Variants in CENPO observed in about 807,000 individuals in gnomAD.
The protein encoded by CENPO is centromere protein O.
In CENPO, 30 loss-of-function variants were observed where a neutral mutation model predicts 36.1. The observed-to-expected ratio is 0.83, with a 90% CI of 0.62 to 1.13. The LOEUF is 1.13. CENPO is among the 50% of genes most tolerant of loss of function. CENPO has a pLI of 0.00. For synonymous variants in CENPO, 171 were observed against 142.3 expected (o/e 1.20, Z -1.44); for missense variants, 349 against 357.8 (o/e 0.98, Z 0.20).
intron 3 of CENPO, among the ~76,000 whole-genome samples, chr2:24,805,126 G>A (rs1212494485): frequency 6.6e-6 from 1 of 152,140 alleles, no homozygotes; most frequent in Admixed American, 6.5e-5. Flanking sequence ...ATCGGCTACT[G>A]AGGCTTGTGC....
At position 24,820,159 on chromosome 2, in the gene CENPO, C is replaced by CGTGGCGT; in HGVS notation, c.*841_*842insGTGGCGT. 8.9e-7 allele frequency: 1 copy of CGTGGCGT among 1,127,430 alleles called. No individual in the cohort carries two copies. The highest frequency in any genetic ancestry group is 2.8e-5 in the East Asian group (1 of 35,604). 69.8% of individuals were successfully genotyped at this position (1,127,430 alleles called of 1,614,324 possible). A position where few individuals can be genotyped will look rare whatever the true frequency, so the allele number is the denominator to read the frequency against. On this transcript the variant is annotated 3_prime_UTR_variant, in exon 8 of 8. Transcript: ENST00000380834. ...AAGAACGTGGCGTTACGGGGGGAGC[C>CGTGGCGT]TAGACTGAGGGCGGGTGGGGGCTTT...
At position 24,816,738 on chromosome 2, in the gene CENPO, G is replaced by T. The variant is rs567990516; in HGVS notation, c.687G>T (p.Gln229His). The change falls in exon 6 of 8, where the codon CAG becomes CAT. Residue 229 changes from glutamine to histidine, a missense_variant. Physicochemically the swap from Gln to His is conservative, Grantham distance 24 (BLOSUM62 0). Transcript: ENST00000380834. ...CTTACAAACTGGATCCAGGGGGTCAGTCCTTCCCGTTCTGTGCTAGATTGC... is the reference window on the plus strand; with the variant it reads ...CTTACAAACTGGATCCAGGGGGTCATTCCTTCCCGTTCTGTGCTAGATTGC... ...SFTYKLDPGG[Q>H]SFPFCARLLY... 1 of 1,612,834 alleles carries T rather than the reference G, an allele frequency of 6.2e-7. No individual in the cohort carries two copies. The highest frequency in any genetic ancestry group is 2.2e-5 in the East Asian group (1 of 44,812).
At chr2:24,793,670 G>A in intron 1 of CENPO, 169 bp downstream of exon 1, 1 of 1,149,392 alleles carries the variant, frequency 8.7e-7, no homozygotes, top group Non-Finnish European at 1.2e-6. Context: ...GGGCGCGGGG[G>A]TGGGCATGGA....
chr2:24,798,975 CTTTT>C (rs70947846), intron 2 of CENPO, among the ~76,000 whole-genome samples: 2 of 114,526 alleles, frequency 1.7e-5, no homozygotes, highest in Admixed American at 1.7e-4. Context: ...CTGGGGCTTC[CTTTT>C]TTTTTTTTTT....
At chr2:24,801,014 C>T (rs1666137183) in intron 3 of CENPO, among the ~76,000 whole-genome samples, 1 of 152,146 alleles carries the variant, frequency 6.6e-6, no homozygotes, top group Non-Finnish European at 1.5e-5. Flanking sequence ...TTAATGATCG[C>T]CATTCTAACT....
Position 24,799,668 on chromosome 2 carries a change from T to C in CENPO, c.47-7T>C. On this transcript the variant is annotated splice_region_variant and splice_polypyrimidine_tract_variant and intron_variant, in intron 2 of 7. Transcript: ENST00000380834. Reference sequence around the variant, plus strand: ...TTCTTGTAAAATTCTCCTTTTACTCTCCTTAGGTGTTTTAGCTCACTTGGA... The same window carrying C: ...TTCTTGTAAAATTCTCCTTTTACTCCCCTTAGGTGTTTTAGCTCACTTGGA... The C allele has an allele frequency of 6.3e-7, 1 of 1,597,550 alleles. No homozygotes were observed. Among genetic ancestry groups the C allele is most frequent in the East Asian group, 2.2e-5 (1 of 44,470 alleles).
Position 24,816,819 on chromosome 2 carries a change from TAAG to T in CENPO, c.766+6_766+8del. On this transcript the variant is annotated splice_donor_5th_base_variant and intron_variant, in intron 6 of 7. Coordinates refer to ENST00000380834, the MANE Select transcript of CENPO (RefSeq NM_001322101.2). Reference sequence around the variant, plus strand: ...CTGACGTCACCGTGACATGTCAAGGTAAGAAGGGTGCCTCAGTGCAGAAATTCT... The same window carrying T: ...CTGACGTCACCGTGACATGTCAAGGTAAGGGTGCCTCAGTGCAGAAATTCT... The T allele has an allele frequency of 1.9e-6, 3 of 1,589,136 alleles. No homozygotes were observed. Among genetic ancestry groups the T allele is most frequent in the East Asian group, 2.3e-5 (1 of 44,226 alleles).
intron 1 of CENPO, 71 bp from the exon 2 acceptor site, chr2:24,793,768 TTGTGCCTGAGTGG>T: frequency 1.8e-6 from 2 of 1,102,404 alleles, no homozygotes; most frequent in Non-Finnish European, 2.7e-6. Flanking sequence ...GGCCCAGGGG[TTGTGCCTGAGTGG>T]TGTGTGCCCT....
intron 6 of CENPO, 43 bp from the exon 7 acceptor site, chr2:24,817,627 C>A (rs1667015764): frequency 6.2e-7 from 1 of 1,612,556 alleles, no homozygotes; most frequent in Non-Finnish European, 8.5e-7. Context: ...GCTCCGATTC[C>A]CCCAGCTGCA....
At position 24,798,047 on chromosome 2, in the gene CENPO, T is replaced by C. The variant is rs539927452; in HGVS notation, c.47-1628T>C. ...GAAATGCTTATTTCCAGTTTTGGAT[T>C]TTCAGATATGGGATGTTCAGCCAGT... On this transcript the variant is annotated intron_variant, in intron 2 of 7. Transcript: ENST00000380834. Among the ~76,000 whole-genome samples, 17 of 152,284 alleles carry C rather than the reference T, an allele frequency of 1.1e-4. No individual in the cohort carries two copies. The South Asian group carries it at 3.5e-3, about 32-fold the overall frequency.
At chr2:24,818,912 A>G (rs966259156) in intron 7 of CENPO, among the ~76,000 whole-genome samples, 1 of 152,250 alleles carries the variant, frequency 6.6e-6, no homozygotes, top group Admixed American at 6.5e-5. Context: ...TTAACCCTGC[A>G]ATGGCCACGA....
chr2:24,814,001 G>A (rs1323107240), intron 3 of CENPO, among the ~76,000 whole-genome samples: 1 of 152,138 alleles, frequency 6.6e-6, no homozygotes, highest in African/African-American at 2.4e-5. Context: ...TTGGAGCCCT[G>A]GCACTTGAAA....
chr2:24,808,417 G>A (rs1335085516), intron 3 of CENPO, among the ~76,000 whole-genome samples: 1 of 152,032 alleles, frequency 6.6e-6, no homozygotes, highest in African/African-American at 2.4e-5. Flanking sequence ...GGCCAGGCTA[G>A]TCTCGAACTC....
rs1297685790 is a variant in CENPO, at chr2:24,814,447, GA to G, written c.291del (p.Lys97AsnfsTer5). 1 of 1,606,960 alleles carries G rather than the reference GA, an allele frequency of 6.2e-7. No homozygotes were observed. Reference sequence around the variant, plus strand: ...TCAATGAGCAAGAAGCATTGGAAGAGAAATTGGAAAATGTGAAAGCCATTCT... The same window carrying G: ...TCAATGAGCAAGAAGCATTGGAAGAGAATTGGAAAATGTGAAAGCCATTCT... ...EINEQEALEEKLENVKAILQA... is the reference protein window; with the variant it reads ...EINEQEALEEXLENVKAILQA... On this transcript the variant is annotated frameshift_variant, in exon 4 of 8. Transcript: ENST00000380834. LOFTEE classifies it high-confidence loss of function.
intron 2 of CENPO, among the ~76,000 whole-genome samples, chr2:24,796,278 TG>T (rs1250413417): frequency 1.3e-5 from 2 of 152,086 alleles, no homozygotes; most frequent in African/African-American, 4.8e-5. Context: ...TGCTTGAACC[TG>T]GGAGGTAGAG....
Position 24,821,209 on chromosome 2 carries a change from T to C in CENPO, c.*1891T>C, listed in dbSNP as rs921867772. The C allele has an allele frequency of 2.3e-6, 1 of 438,420 alleles. No homozygotes were observed. Among genetic ancestry groups the C allele is most frequent in the Non-Finnish European group, 4.1e-6 (1 of 244,456 alleles). The allele number at this position is 438,420 out of a possible 1,614,324, so 27.2% of individuals were successfully genotyped here. A position where few individuals can be genotyped will look rare whatever the true frequency, so the allele number is the denominator to read the frequency against. ...AAGAGCAGGCCTGTCTGGGAAGCCA[T>C]GTCCTCAGCAGGCACAGCAACCCCT... On this transcript the variant is annotated 3_prime_UTR_variant, in exon 8 of 8. Coordinates refer to ENST00000380834, the MANE Select transcript of CENPO (RefSeq NM_001322101.2).
In CENPO at chr2:24,799,769, T is replaced by C. The variant is rs1407209442; in HGVS notation, c.141T>C (p.Ala47=). Residue 47 remains alanine (A), a synonymous_variant, in exon 3 of 8, where the codon GCT becomes GCC. Transcript: ENST00000380834. ...AGAGCGTGCAGGCCCAGGAAGGTGC[T>C]CTTGGAACCAAGATTCATAAACTAA... ...ELQSVQAQEG[A]LGTKIHKLRR... The C allele has an allele frequency of 1.2e-6, 2 of 1,613,920 alleles. No individual in the cohort carries two copies. Among genetic ancestry groups the C allele is most frequent in the African/African-American group, 1.3e-5 (1 of 74,894 alleles).
At chr2:24,794,586 G>A (rs1665798586) in intron 2 of CENPO, among the ~76,000 whole-genome samples, 1 of 152,222 alleles carries the variant, frequency 6.6e-6, no homozygotes, top group Non-Finnish European at 1.5e-5. Flanking sequence ...GTCTTAAAAT[G>A]TAGAAGGTGT....
intron 3 of CENPO, among the ~76,000 whole-genome samples, chr2:24,811,869 T>TA: frequency 6.6e-6 from 1 of 152,346 alleles, no homozygotes; most frequent in East Asian, 1.9e-4. Context: ...GTGCTGGAAT[T>TA]ACAGGTGTGA....
Sources: allele counts gnomAD v4.1 joint callset (sites outside exome capture counted in the v4.1 genomes callset), GRCh38; gene constraint gnomAD v4.1.1; transcripts MANE v1.5; gene names NCBI Gene and HGNC (gene_info 2026-07-23, HGNC 2026-07-21).